Variants in RBMS3 observed in about 807,000 individuals in gnomAD.
The protein encoded by RBMS3 is RNA-binding motif, single-stranded-interacting protein 3.
In RBMS3, 27 loss-of-function variants were observed where a neutral mutation model predicts 66.8. The ratio of observed to expected loss-of-function variants is 0.40; its 90% confidence interval spans 0.30 to 0.56. The LOEUF (loss-of-function observed/expected upper bound fraction) is 0.56, where lower values mean the gene tolerates loss of function less well. Ranked by LOEUF, RBMS3 falls within the 20% of genes least tolerant of loss-of-function variation. The pLI is 0.40. For missense variants in RBMS3, 513 were observed against 549.5 expected (o/e 0.93, Z 0.66); for synonymous variants, 188 against 183.0 (o/e 1.03, Z -0.22).
intron 4 of RBMS3, among the ~76,000 whole-genome samples, chr3:29,737,009 C>T (rs1247252376): frequency 1.3e-5 from 2 of 151,912 alleles, no homozygotes; most frequent in South Asian, 2.1e-4. Flanking sequence ...GACGGACTCT[C>T]GCTGTCGCCC....
intron 1 of RBMS3, among the ~76,000 whole-genome samples, chr3:29,341,345 T>C (rs1431587199): frequency 1.3e-5 from 2 of 152,078 alleles, no homozygotes; most frequent in African/African-American, 4.8e-5. Flanking sequence ...AAAAAGAGAT[T>C]CAGGGAAATT....
At chr3:29,994,064 G>A (rs1169857664) in intron 14 of RBMS3, among the ~76,000 whole-genome samples, 2 of 152,156 alleles carry the variant, frequency 1.3e-5, no homozygotes, top group African/African-American at 4.8e-5. Flanking sequence ...GCAGGTCAGT[G>A]GGTGCATGCA....
intron 1 of RBMS3, among the ~76,000 whole-genome samples, chr3:29,371,622 G>T (rs964266133): frequency 1.3e-5 from 2 of 152,202 alleles, no homozygotes; most frequent in Admixed American, 1.3e-4. Flanking sequence ...ATGAGAACAT[G>T]TATGTGTCTG....
At chr3:29,354,240 T>A (rs1009065588) in intron 1 of RBMS3, among the ~76,000 whole-genome samples, 1 of 152,166 alleles carries the variant, frequency 6.6e-6, no homozygotes, top group Admixed American at 6.6e-5. Context: ...CTACTCTATC[T>A]CATTCCACAT....
Position 29,450,402 on chromosome 3 carries a change from C to G in RBMS3, c.248+15487C>G, listed in dbSNP as rs550642445. ...TCCAAACTCCTTTCATTACTCAACA[C>G]AAAACTGTTTGATTTCCAATTCTCT... On this transcript the variant is annotated intron_variant, in intron 2 of 14. Coordinates refer to ENST00000383767, the MANE Select transcript of RBMS3 (RefSeq NM_001003793.3). 3.3e-5 allele frequency among the ~76,000 whole-genome samples: 5 copies of G among 152,308 alleles called. No individual in the cohort carries two copies. In the South Asian group the frequency reaches 8.3e-4, roughly 25 times the overall value.
chr3:29,664,121 G>A (rs145670875), intron 4 of RBMS3, among the ~76,000 whole-genome samples: 5 of 152,182 alleles, frequency 3.3e-5, no homozygotes, highest in East Asian at 3.9e-4. Context: ...AGAGAATAAC[G>A]TCTCTAATTT....
chr3:29,989,654 A>C (rs185242920), intron 13 of RBMS3, among the ~76,000 whole-genome samples: 130 of 152,356 alleles, frequency 8.5e-4, no homozygotes, highest in Non-Finnish European at 1.4e-3. Flanking sequence ...CAGATGTTTA[A>C]CAGGGCACTG....
At chr3:29,880,743 C>A in intron 7 of RBMS3, 1 of 1,527,376 alleles carries the variant, frequency 6.5e-7, no homozygotes, top group South Asian at 1.2e-5. Flanking sequence ...ATGCATATGA[C>A]CTGACACTAT....
chr3:29,700,983 A>G lies in RBMS3; in HGVS notation c.400-38737A>G, dbSNP rs187565078. 2.3e-3 allele frequency among the ~76,000 whole-genome samples: 355 copies of G among 152,316 alleles called. 2 individuals carry two copies. Among genetic ancestry groups the G allele is most frequent in the African/African-American group, 8.1e-3 (335 of 41,568 alleles). On this transcript the variant is annotated intron_variant, in intron 4 of 14. Coordinates refer to ENST00000383767, the MANE Select transcript of RBMS3 (RefSeq NM_001003793.3). ...TGGACTTGAAGGGCTTTGTTAGGCT[A>G]GCTAAACCATTTGAAATTAATTCTG... is the stretch of plus-strand genomic sequence containing the variant.
At chr3:29,294,845 A>G (rs1223223477) in intron 1 of RBMS3, among the ~76,000 whole-genome samples, 1 of 151,720 alleles carries the variant, frequency 6.6e-6, no homozygotes, top group Non-Finnish European at 1.5e-5. Context: ...CTGTTAACCA[A>G]TTTTGGACTA....
In RBMS3 at chr3:30,009,569, C is replaced by T. The variant is rs1157466579; in HGVS notation, c.*5707C>T. On this transcript the variant is annotated 3_prime_UTR_variant, in exon 15 of 15. Coordinates refer to ENST00000383767, the MANE Select transcript of RBMS3 (RefSeq NM_001003793.3). Reference sequence around the variant, plus strand: ...AAAGCTATTTTTGTTTCCTTCACTCCACTAAATTTGAACCAGTAGCACGGA... The same window carrying T: ...AAAGCTATTTTTGTTTCCTTCACTCTACTAAATTTGAACCAGTAGCACGGA... 1.3e-5 allele frequency: 2 copies of T among 151,958 alleles called. No homozygotes were observed. Among genetic ancestry groups the T allele is most frequent in the African/African-American group, 2.4e-5 (1 of 41,392 alleles). The allele number at this position is 151,958 out of a possible 1,614,324, so 9.4% of individuals were successfully genotyped here.
chr3:29,548,908 C>T (rs35901), intron 3 of RBMS3, among the ~76,000 whole-genome samples: 56,683 of 151,646 alleles, frequency 0.37, 10,930 homozygotes, highest in Middle Eastern at 0.52. Flanking sequence ...CACAGTAAAC[C>T]TAATTCTCAA....
At chr3:29,814,766 A>G (rs996093582) in intron 6 of RBMS3, among the ~76,000 whole-genome samples, 8 of 152,128 alleles carry the variant, frequency 5.3e-5, no homozygotes, top group Non-Finnish European at 7.4e-5. Flanking sequence ...TGTACCCTAA[A>G]ACTTAAAGTA....
intron 3 of RBMS3, among the ~76,000 whole-genome samples, chr3:29,504,982 C>A (rs1318977553): frequency 1.3e-5 from 2 of 152,022 alleles, no homozygotes; most frequent in Non-Finnish European, 2.9e-5. Flanking sequence ...CTATGGTTTG[C>A]AAATACTTCC....
chr3:29,932,999 T>C (rs560255107), intron 10 of RBMS3, among the ~76,000 whole-genome samples: 6 of 152,186 alleles, frequency 3.9e-5, no homozygotes, highest in Admixed American at 1.3e-4. Context: ...AGTGGAATTA[T>C]AGCATTGTAC....
intron 1 of RBMS3, among the ~76,000 whole-genome samples, chr3:29,376,672 C>T (rs1270443424): frequency 1.3e-5 from 2 of 152,088 alleles, no homozygotes; most frequent in Non-Finnish European, 2.9e-5. Context: ...CTTTGGGAGG[C>T]CGAGGTGAGC....
At chr3:29,644,890 C>T (rs1425208708) in intron 4 of RBMS3, among the ~76,000 whole-genome samples, 1 of 152,144 alleles carries the variant, frequency 6.6e-6, no homozygotes, top group Non-Finnish European at 1.5e-5. Context: ...GTCAATAGTA[C>T]ATCAACTTAC....
intron 1 of RBMS3, among the ~76,000 whole-genome samples, chr3:29,400,795 G>C (rs2039775126): frequency 1.3e-5 from 2 of 152,012 alleles, no homozygotes; most frequent in Admixed American, 1.3e-4. Flanking sequence ...CAGGTGAAAT[G>C]ATTGGGGCGA....
chr3:29,600,495 C>T (rs1022499498), intron 4 of RBMS3, among the ~76,000 whole-genome samples: 1 of 152,044 alleles, frequency 6.6e-6, no homozygotes, highest in Middle Eastern at 3.2e-3. Flanking sequence ...TCACCAGATG[C>T]CCAGTCTTCC....
Sources: allele counts gnomAD v4.1 joint callset (sites outside exome capture counted in the v4.1 genomes callset), GRCh38; gene constraint gnomAD v4.1.1; transcripts MANE v1.5; gene names NCBI Gene and HGNC (gene_info 2026-07-23, HGNC 2026-07-21).